Variants in DOCK5 observed in about 807,000 individuals in gnomAD.
The protein encoded by DOCK5 is dedicator of cytokinesis 5.
Under a neutral mutation model 251.8 loss-of-function variants are expected in DOCK5, and 142 were observed. The ratio of observed to expected loss-of-function variants is 0.56; its 90% CI spans 0.49 to 0.65. DOCK5 has a LOEUF of 0.65. Ranked by LOEUF, DOCK5 falls within the 30% of genes least tolerant of loss-of-function variation. The pLI is 0.00. For missense variants in DOCK5, 2,111 were observed against 2,312.3 expected, an observed-to-expected ratio of 0.91 and a Z score of 1.79; for synonymous variants, 842 against 835.5, an observed-to-expected ratio of 1.01 and a Z score of -0.13.
intron 45 of DOCK5, among the ~76,000 whole-genome samples, chr8:25,396,071 A>G (rs1362095667): frequency 6.6e-6 from 1 of 152,182 alleles, no homozygotes; most frequent in Non-Finnish European, 1.5e-5. Context: ...TGGCAGAGCC[A>G]CACTCTCTTT....
intron 1 of DOCK5, among the ~76,000 whole-genome samples, chr8:25,227,895 G>A (rs996884582): frequency 2.0e-5 from 3 of 151,898 alleles, no homozygotes; most frequent in African/African-American, 4.8e-5. Context: ...GTTGTTGTTT[G>A]TTTTTTTGAG....
chr8:25,351,019 CAT>C (rs1322665095), intron 26 of DOCK5, among the ~76,000 whole-genome samples: 2 of 152,132 alleles, frequency 1.3e-5, no homozygotes, highest in African/African-American at 4.8e-5. Flanking sequence ...ATTTCCCACA[CAT>C]GTGCCTAATT....
intron 37 of DOCK5, among the ~76,000 whole-genome samples, 187 bp from the exon 38 acceptor site, chr8:25,377,117 TC>T (rs1214316929): frequency 2.6e-5 from 4 of 152,366 alleles, no homozygotes; most frequent in Admixed American, 6.5e-5. Flanking sequence ...CTGTGAGTGC[TC>T]CTTCATTTGG....
intron 26 of DOCK5, among the ~76,000 whole-genome samples, chr8:25,347,418 A>G (rs940744009): frequency 6.6e-6 from 1 of 152,148 alleles, no homozygotes; most frequent in African/African-American, 2.4e-5. Flanking sequence ...AAGTATGTTT[A>G]TAGAAACCAC....
chr8:25,264,386 A>T (rs1294126407), intron 2 of DOCK5, among the ~76,000 whole-genome samples: 1 of 151,306 alleles, frequency 6.6e-6, no homozygotes, highest in African/African-American at 2.4e-5. Context: ...AAAACAACAA[A>T]AAAAACCTCA....
chr8:25,332,671 C>A lies in DOCK5; in HGVS notation c.2070C>A (p.Asp690Glu). ...AAATGTCAGACAGTGAAACCTATGA[C>A]TTCCTTGTGTTTGACGCACTGGTAA... ...MMEMSDSETY[D>E]FLVFDALVFI... Residue 690 changes from aspartate to glutamate, a missense_variant, in exon 20 of 52, where the codon GAC becomes GAA. This residue lies in a region of DOCK5 where 1,717 missense variants were observed against 1,892.4 expected (regional missense o/e 0.91). Transcript: ENST00000276440. 6.2e-7 allele frequency: 1 copy of A among 1,612,368 alleles called. No homozygotes were observed. Among genetic ancestry groups the A allele is most frequent in the Non-Finnish European group, 8.5e-7 (1 of 1,179,302 alleles).
At chr8:25,383,047 C>G (rs541725873) in intron 40 of DOCK5, among the ~76,000 whole-genome samples, 1 of 152,190 alleles carries the variant, frequency 6.6e-6, no homozygotes, top group Non-Finnish European at 1.5e-5. Flanking sequence ...TCAGCTGCTA[C>G]GGGTCACGCC....
chr8:25,252,979 G>A lies in DOCK5; in HGVS notation c.127+9222G>A, dbSNP rs970078016. 3.9e-5 allele frequency among the ~76,000 whole-genome samples: 6 copies of A among 152,074 alleles called. No homozygotes were observed. In the South Asian group the frequency reaches 6.2e-4, roughly 16 times the overall value. On this transcript the variant is annotated intron_variant, in intron 2 of 51. Coordinates refer to ENST00000276440, the MANE Select transcript of DOCK5 (RefSeq NM_024940.8). ...CCCGAGTAGCTGGGATTACAGGCACGTGCCACCACGCCCAGCTAATTTTTA... is the reference window on the plus strand; with the variant it reads ...CCCGAGTAGCTGGGATTACAGGCACATGCCACCACGCCCAGCTAATTTTTA...
intron 11 of DOCK5, among the ~76,000 whole-genome samples, chr8:25,306,860 T>A (rs1804953993): frequency 6.6e-6 from 1 of 152,184 alleles, no homozygotes; most frequent in South Asian, 2.1e-4. Flanking sequence ...CTCTTGTCAT[T>A]GTGTAGACAA....
intron 26 of DOCK5, 196 bp from the exon 27 acceptor site, chr8:25,351,535 G>C (rs1386616461): frequency 7.2e-6 from 4 of 553,952 alleles, no homozygotes; most frequent in Non-Finnish European, 1.3e-5. Context: ...TAAGTGTTAT[G>C]ACTGATCATT....
At chr8:25,260,360 G>T (rs866946286) in intron 2 of DOCK5, among the ~76,000 whole-genome samples, 34 of 102,244 alleles carry the variant, frequency 3.3e-4, no homozygotes, top group African/African-American at 1.2e-3. Flanking sequence ...GCCCACCCCC[G>T]CCCAGTCCCC....
At chr8:25,276,647 ATTTCTTTTCTTTTGT>A in intron 4 of DOCK5, among the ~76,000 whole-genome samples, 1 of 151,990 alleles carries the variant, frequency 6.6e-6, no homozygotes, top group Non-Finnish European at 1.5e-5. Flanking sequence ...CAGCACCATC[ATTTCTTTTCTTTTGT>A]TTTCTTTTCT....
chr8:25,366,603 C>T (rs1586366658), intron 30 of DOCK5, among the ~76,000 whole-genome samples: 1 of 152,256 alleles, frequency 6.6e-6, no homozygotes, highest in Non-Finnish European at 1.5e-5. Flanking sequence ...AAAGTACATA[C>T]TATAAATAGA....
rs1304417344 is a variant in DOCK5, at chr8:25,411,319, C to T, written c.*21C>T. On this transcript the variant is annotated 3_prime_UTR_variant, in exon 52 of 52. Transcript: ENST00000276440. ...AGTAAGGATCTTGCCCTCCCTGCAACACCGAGTGCCTTAGACAGCTGCTGC... is the reference window on the plus strand; with the variant it reads ...AGTAAGGATCTTGCCCTCCCTGCAATACCGAGTGCCTTAGACAGCTGCTGC... 1 of 1,451,256 alleles carries T rather than the reference C, an allele frequency of 6.9e-7. No individual in the cohort carries two copies. The highest frequency in any genetic ancestry group is 9.1e-7 in the Non-Finnish European group (1 of 1,103,320). 89.9% of individuals were successfully genotyped at this position (1,451,256 alleles called of 1,614,324 possible).
At chr8:25,343,264 C>T (rs1345835915) in intron 25 of DOCK5, among the ~76,000 whole-genome samples, 1 of 152,090 alleles carries the variant, frequency 6.6e-6, no homozygotes, top group Non-Finnish European at 1.5e-5. Context: ...CCAACTTGGC[C>T]TCCCAAAGTA....
At chr8:25,355,881 A>G (rs756418060) in intron 27 of DOCK5, among the ~76,000 whole-genome samples, 1 of 152,176 alleles carries the variant, frequency 6.6e-6, no homozygotes. Flanking sequence ...TACTAGTTAC[A>G]AATAAATAGC....
In DOCK5 at chr8:25,342,398, C is replaced by T. The variant is rs1443693485; in HGVS notation, c.2511-3C>T. 6.3e-7 allele frequency: 1 copy of T among 1,580,458 alleles called. No individual in the cohort carries two copies. Among genetic ancestry groups the T allele is most frequent in the Admixed American group, 1.8e-5 (1 of 55,644 alleles). On this transcript the variant is annotated splice_region_variant and splice_polypyrimidine_tract_variant and intron_variant, in intron 24 of 51. Transcript: ENST00000276440. Reference sequence around the variant, plus strand: ...ACTACTAACCCTGAGGTTTCTCTCCCAGCGTGCTCTTCTGCAAATTCATTC... The same window carrying T: ...ACTACTAACCCTGAGGTTTCTCTCCTAGCGTGCTCTTCTGCAAATTCATTC...
chr8:25,238,923 G>A (rs974904062), intron 1 of DOCK5, among the ~76,000 whole-genome samples: 23 of 152,212 alleles, frequency 1.5e-4, no homozygotes, highest in Non-Finnish European at 2.1e-4. Flanking sequence ...CAATCATAGG[G>A]ATTTCCTTCT....
intron 1 of DOCK5, among the ~76,000 whole-genome samples, chr8:25,210,891 A>AG (rs58381285): frequency 1 from 61,164 of 61,176 alleles, 30,576 homozygotes; most frequent in Middle Eastern, 1. Flanking sequence ...GGGGGAAGGG[A>AG]GGAGGGAGAG....
Sources: allele counts gnomAD v4.1 joint callset (sites outside exome capture counted in the v4.1 genomes callset), GRCh38; gene constraint gnomAD v4.1.1; regional missense constraint gnomAD v4.1.1; transcripts MANE v1.5; gene names NCBI Gene and HGNC (gene_info 2026-07-23, HGNC 2026-07-21).